GUCY2C: variants seen among roughly 807,000 people sequenced by gnomAD.
GUCY2C encodes the protein guanylyl cyclase C.
GUCY2C carries 118 observed loss-of-function variants against 131.1 expected under a neutral mutation model. That is an observed-to-expected ratio of 0.90 (90% CI 0.78 to 1.05). The LOEUF (loss-of-function observed/expected upper bound fraction) is 1.05. GUCY2C is among the 50% of genes least tolerant of loss of function. The probability of loss-of-function intolerance (pLI) is 0.00; values close to 1 mark genes in which losing one functional copy is unlikely to be tolerated. For missense variants in GUCY2C, 1,161 were observed against 1,304.4 expected, an observed-to-expected ratio of 0.89 and a Z score of 1.69; for synonymous variants, 452 against 457.8, an observed-to-expected ratio of 0.99 and a Z score of 0.16.
chr12:14,689,533 GGT>G (rs1289320066), intron 1 of GUCY2C, among the ~76,000 whole-genome samples: 8 of 152,234 alleles, frequency 5.3e-5, no homozygotes, highest in African/African-American at 1.9e-4. Flanking sequence ...GCTCAAAAGG[GGT>G]GTCTTGGTCA....
At chr12:14,622,672 A>G (rs899194695) in intron 21 of GUCY2C, among the ~76,000 whole-genome samples, 1 of 152,232 alleles carries the variant, frequency 6.6e-6, no homozygotes, top group Non-Finnish European at 1.5e-5. Flanking sequence ...GTAATATGGC[A>G]TTGCTTAATA....
At chr12:14,635,509 A>T (rs537210247) in intron 19 of GUCY2C, among the ~76,000 whole-genome samples, 1 of 152,148 alleles carries the variant, frequency 6.6e-6, no homozygotes, top group Non-Finnish European at 1.5e-5. Flanking sequence ...TCAAAAAATC[A>T]GAAAAAATTC....
intron 1 of GUCY2C, 68 bp downstream of exon 1, chr12:14,696,164 T>G (rs1382028245): frequency 7.1e-6 from 9 of 1,267,306 alleles, no homozygotes; most frequent in Middle Eastern, 3.7e-4. Context: ...ACAAGGTCTT[T>G]GCTTAGCAAC....
At chr12:14,695,282 A>G (rs1948636748) in intron 1 of GUCY2C, among the ~76,000 whole-genome samples, 1 of 152,156 alleles carries the variant, frequency 6.6e-6, no homozygotes, top group African/African-American at 2.4e-5. Flanking sequence ...TTTATTTTAC[A>G]CATTTCATGT....
At position 14,652,950 on chromosome 12, in the gene GUCY2C, AC is replaced by A; in HGVS notation, c.1533+1del. 3.1e-6 allele frequency: 5 copies of A among 1,598,078 alleles called. No homozygotes were observed. The highest frequency in any genetic ancestry group is 4.3e-6 in the Non-Finnish European group (5 of 1,165,326). ...AGAGTTCAGAGAAGTGGGAGAGGTC[AC>A]CTTTTTGTCGTATTTGCACTGTCGT... On this transcript the variant is annotated splice_donor_variant, in intron 13 of 26. Transcript: ENST00000261170. LOFTEE classifies it high-confidence loss of function.
In GUCY2C at chr12:14,612,882, G is replaced by GA; in HGVS notation, c.*234dup. The GA allele has an allele frequency of 2.3e-6, 1 of 428,088 alleles. No individual in the cohort carries two copies. The allele number at this position is 428,088 out of a possible 1,614,324, so 26.5% of individuals were successfully genotyped here. Reference sequence around the variant, plus strand: ...ATTCATTTCTTTTCTTTTCCAGGTAGAAGCTCCCTGGAACAACTGCTGGAA... The same window carrying GA: ...ATTCATTTCTTTTCTTTTCCAGGTAGAAAGCTCCCTGGAACAACTGCTGGAA... On this transcript the variant is annotated 3_prime_UTR_variant, in exon 27 of 27. Coordinates refer to ENST00000261170, the MANE Select transcript of GUCY2C (RefSeq NM_004963.4).
chr12:14,618,801 T>TA (rs944256850), intron 24 of GUCY2C, among the ~76,000 whole-genome samples: 7 of 151,950 alleles, frequency 4.6e-5, no homozygotes, highest in Non-Finnish European at 7.4e-5. Flanking sequence ...AGCCTGTCTC[T>TA]AAAAAACAAC....
chr12:14,676,789 A>G, intron 7 of GUCY2C, 65 bp downstream of exon 7: 2 of 467,624 alleles, frequency 4.3e-6, no homozygotes, highest in Non-Finnish European at 6.8e-6. Context: ...GAGAAAAATT[A>G]TCTTACCCTT....
At chr12:14,636,172 C>T (rs1490297374) in intron 19 of GUCY2C, among the ~76,000 whole-genome samples, 6 of 152,028 alleles carry the variant, frequency 3.9e-5, no homozygotes, top group Non-Finnish European at 8.8e-5. Flanking sequence ...GGGTCAATAT[C>T]CCTGAGGAAC....
intron 21 of GUCY2C, among the ~76,000 whole-genome samples, chr12:14,623,332 A>G (rs1194312512): frequency 2.6e-5 from 4 of 152,180 alleles, no homozygotes; most frequent in Admixed American, 6.6e-5. Context: ...AAAACAACCA[A>G]TCAACCACAA....
Position 14,625,760 on chromosome 12 carries a change from G to T in GUCY2C, c.2405C>A (p.Pro802Gln). The change falls in exon 21 of 27, where the codon CCA (proline) becomes CAA (glutamine). Residue 802 changes from proline to glutamine, a missense_variant. Physicochemically the swap from Pro to Gln is moderately conservative, Grantham distance 76. Coordinates refer to ENST00000261170, the MANE Select transcript of GUCY2C (RefSeq NM_004963.4). ...RADRLNFMLL[P>Q]RLVVKSLKEK... ...ACATCAGCAAGGCTTGCCTTACCTT[G>T]GAAGCAACATAAAGTTAAGTCTGTC... 6.2e-7 allele frequency: 1 copy of T among 1,613,760 alleles called. No homozygotes were observed. Among genetic ancestry groups the T allele is most frequent in the Non-Finnish European group, 8.5e-7 (1 of 1,179,788 alleles).
intron 25 of GUCY2C, 142 bp downstream of exon 25, chr12:14,616,491 C>T: frequency 1.5e-6 from 1 of 651,998 alleles, no homozygotes; most frequent in Admixed American, 2.3e-5. Flanking sequence ...GTGGTCATTT[C>T]TCTTGCAGAG....
chr12:14,640,462 C>CAA (rs3083859), intron 18 of GUCY2C, among the ~76,000 whole-genome samples: 2,233 of 114,498 alleles, frequency 0.02, 35 homozygotes, highest in African/African-American at 0.044. Context: ...GACACTGTCT[C>CAA]AAAAAAAAAA....
chr12:14,652,661 A>G (rs1373121927), intron 13 of GUCY2C, among the ~76,000 whole-genome samples: 2 of 152,242 alleles, frequency 1.3e-5, no homozygotes, highest in Admixed American at 6.5e-5. Flanking sequence ...GAGCCAAAAT[A>G]TAATACTAGG....
intron 7 of GUCY2C, 132 bp from the exon 8 acceptor site, chr12:14,674,892 T>C: frequency 1.5e-6 from 1 of 680,922 alleles, no homozygotes; most frequent in Admixed American, 2.7e-5. Flanking sequence ...TGAAGGGATG[T>C]TATTAAAGGA....
Position 14,696,580 on chromosome 12 carries a change from C to T in GUCY2C, c.-132G>A, listed in dbSNP as rs1948659207. On this transcript the variant is annotated 5_prime_UTR_variant, in exon 1 of 27. Coordinates refer to ENST00000261170, the MANE Select transcript of GUCY2C (RefSeq NM_004963.4). ...AGCCCACTCTTCCCCACGCTTCTCTCTGGTCATGCCCAACTGGTCACATGG... is the reference window on the plus strand; with the variant it reads ...AGCCCACTCTTCCCCACGCTTCTCTTTGGTCATGCCCAACTGGTCACATGG... 1.5e-6 allele frequency: 1 copy of T among 662,980 alleles called. No homozygotes were observed. Among genetic ancestry groups the T allele is most frequent in the Non-Finnish European group, 2.6e-6 (1 of 378,390 alleles). The allele number at this position is 662,980 out of a possible 1,614,324, so 41.1% of individuals were successfully genotyped here. A position where few individuals can be genotyped will look rare whatever the true frequency, so the allele number is the denominator to read the frequency against.
intron 8 of GUCY2C, 120 bp downstream of exon 8, chr12:14,674,505 G>C: frequency 1.1e-6 from 1 of 888,754 alleles, no homozygotes; most frequent in Non-Finnish European, 1.9e-6. Flanking sequence ...GCATCCAGTT[G>C]AGTTCAAAGG....
intron 19 of GUCY2C, among the ~76,000 whole-genome samples, chr12:14,639,203 C>T (rs1021116170): frequency 6.8e-6 from 1 of 147,352 alleles, no homozygotes; most frequent in Non-Finnish European, 1.5e-5. Context: ...GAGGCCGAGG[C>T]AGGAGAATTG....
intron 7 of GUCY2C, among the ~76,000 whole-genome samples, chr12:14,675,207 C>CAAAAAAAACAAAAAAAA (rs1948203186): frequency 2.9e-5 from 1 of 34,788 alleles, no homozygotes; most frequent in East Asian, 8.9e-4. Context: ...AACTCCATCT[C>CAAAAAAAACAAAAAAAA]AAAAAAAAAA....
Sources: allele counts gnomAD v4.1 joint callset (sites outside exome capture counted in the v4.1 genomes callset), GRCh38; gene constraint gnomAD v4.1.1; transcripts MANE v1.5; gene names NCBI Gene and HGNC (gene_info 2026-07-23, HGNC 2026-07-21).